Variants in MEI4 observed in about 807,000 individuals in gnomAD.
MEI4 encodes meiotic double-stranded break formation protein 4, also known as meiosis-specific protein MEI4.
In MEI4, 27 loss-of-function variants were observed where a neutral mutation model predicts 31.4. The ratio of observed to expected loss-of-function variants is 0.86; its 90% CI spans 0.63 to 1.19. The LOEUF (loss-of-function observed/expected upper bound fraction) is 1.19. MEI4 is among the 50% of genes most tolerant of loss of function. The pLI is 0.00. For synonymous variants in MEI4, 122 were observed against 145.4 expected, an observed-to-expected ratio of 0.84 and a Z score of 1.16; for missense variants, 329 against 398.9, an observed-to-expected ratio of 0.82 and a Z score of 1.49.
intron 3 of MEI4, among the ~76,000 whole-genome samples, chr6:77,805,950 A>T (rs1052196789): frequency 2.2e-4 from 33 of 152,176 alleles, no homozygotes; most frequent in African/African-American, 7.7e-4. Flanking sequence ...ATAGAATCAT[A>T]GCTCCTTTTC....
At chr6:77,729,222 C>T (rs150216746) in intron 2 of MEI4, among the ~76,000 whole-genome samples, 364 of 152,256 alleles carry the variant, frequency 2.4e-3, no homozygotes, top group African/African-American at 8.3e-3. Context: ...GTAGTGTAAA[C>T]ATACATTAAC....
chr6:77,919,817 A>T (rs1236996632), intron 4 of MEI4, among the ~76,000 whole-genome samples: 4 of 149,444 alleles, frequency 2.7e-5, no homozygotes, highest in African/African-American at 9.7e-5. Flanking sequence ...TAAAGGGGAT[A>T]TCACCACCGA....
rs144605266 is a variant in MEI4, at chr6:77,855,906, C to T, written c.900+26844C>T. ...GTTAAGTATTTGAGGCCATGATATG[C>T]GAGTTTAATCATTCCACATTGAATT... On this transcript the variant is annotated intron_variant, in intron 4 of 4. Coordinates refer to ENST00000684080, the MANE Select transcript of MEI4 (RefSeq NM_001322247.2). 1.4e-3 allele frequency among the ~76,000 whole-genome samples: 217 copies of T among 152,196 alleles called. 1 individual carries two copies. The highest frequency in any genetic ancestry group is 4.5e-3 in the African/African-American group (186 of 41,534).
At chr6:77,689,265 A>G (rs1402201857) in intron 1 of MEI4, among the ~76,000 whole-genome samples, 1 of 151,996 alleles carries the variant, frequency 6.6e-6, no homozygotes, top group Non-Finnish European at 1.5e-5. Context: ...TTCTCAGGCT[A>G]ATACAAAATT....
rs184771499 is a variant in MEI4 at position 77,706,811 on chromosome 6, C to T, written c.232+15908C>T. Among the ~76,000 whole-genome samples, 404 of 152,294 alleles carry T rather than the reference C, an allele frequency of 2.7e-3. 1 individual carries two copies. The highest frequency in any genetic ancestry group is 2.9e-3 in the Non-Finnish European group (199 of 68,028). On this transcript the variant is annotated intron_variant, in intron 2 of 4. Coordinates refer to ENST00000684080, the MANE Select transcript of MEI4 (RefSeq NM_001322247.2). ...ACTCACCATGTGATACACCGGCTCC[C>T]TGCTTTCTGCCATGATTATAAGCTT... is the stretch of plus-strand genomic sequence containing the variant.
Position 77,666,512 on chromosome 6 carries a change from A to C in MEI4, c.-15+13420A>C, listed in dbSNP as rs536987519. The stretch of plus-strand genomic sequence containing the variant: ...ATTGATAAGAGTTCATAGGGATCAC[A>C]TGTCAATGAACTAATTTTGTCTCCT... On this transcript the variant is annotated intron_variant, in intron 1 of 4. Coordinates refer to ENST00000684080, the MANE Select transcript of MEI4 (RefSeq NM_001322247.2). Among the ~76,000 whole-genome samples the C allele has an allele frequency of 4.6e-5, 7 of 152,264 alleles. No individual in the cohort carries two copies. The South Asian group carries it at 1.5e-3, about 32-fold the overall frequency.
chr6:77,923,442 C>A lies in MEI4; in HGVS notation c.*96C>A. On this transcript the variant is annotated 3_prime_UTR_variant, in exon 5 of 5. Transcript: ENST00000684080. ...AGATTTTCAATAGTATTTTAATTAGCATTTTAGAATTGATCTCTAAATATA... is the reference window on the plus strand; with the variant it reads ...AGATTTTCAATAGTATTTTAATTAGAATTTTAGAATTGATCTCTAAATATA... The A allele has an allele frequency of 2.1e-6, 2 of 963,612 alleles. No individual in the cohort carries two copies. Among genetic ancestry groups the A allele is most frequent in the Non-Finnish European group, 2.7e-6 (2 of 745,474 alleles). 59.7% of individuals were successfully genotyped at this position (963,612 alleles called of 1,614,324 possible). A position where few individuals can be genotyped will look rare whatever the true frequency, so the allele number is the denominator to read the frequency against.
At chr6:77,834,119 C>T (rs1770150072) in intron 4 of MEI4, among the ~76,000 whole-genome samples, 1 of 152,102 alleles carries the variant, frequency 6.6e-6, no homozygotes, top group Admixed American at 6.6e-5. Flanking sequence ...AAAATAAGTA[C>T]CAGCAGCTGC....
At chr6:77,742,111 T>A (rs1301336227) in intron 2 of MEI4, among the ~76,000 whole-genome samples, 1 of 152,088 alleles carries the variant, frequency 6.6e-6, no homozygotes, top group Non-Finnish European at 1.5e-5. Flanking sequence ...GCAGCATGAT[T>A]TATAGTCCTT....
intron 4 of MEI4, among the ~76,000 whole-genome samples, chr6:77,845,952 T>C (rs1770473333): frequency 6.6e-6 from 1 of 151,768 alleles, no homozygotes; most frequent in Admixed American, 6.6e-5. Flanking sequence ...GACCAGTCAT[T>C]GTGGGGTTTA....
At chr6:77,834,830 A>G (rs1466846804) in intron 4 of MEI4, among the ~76,000 whole-genome samples, 3 of 152,272 alleles carry the variant, frequency 2.0e-5, no homozygotes, top group East Asian at 1.9e-4. Flanking sequence ...CCGCTCTCCC[A>G]AATAGGAAGC....
intron 1 of MEI4, among the ~76,000 whole-genome samples, chr6:77,667,003 T>G (rs1768651840): frequency 2.0e-5 from 3 of 152,142 alleles, no homozygotes; most frequent in Admixed American, 6.5e-5. Context: ...GTTACATTTA[T>G]TTCCTACTCC....
At chr6:77,822,612 A>ACC (rs80176320) in intron 3 of MEI4, among the ~76,000 whole-genome samples, 4 of 138,678 alleles carry the variant, frequency 2.9e-5, no homozygotes, top group East Asian at 2.1e-4. Context: ...GCATTTGGAT[A>ACC]CCCCCCCCCC....
chr6:77,895,210 T>C (rs539412862), intron 4 of MEI4, among the ~76,000 whole-genome samples: 6 of 152,292 alleles, frequency 3.9e-5, no homozygotes, highest in African/African-American at 1.4e-4. Flanking sequence ...AACACACTCT[T>C]TGAGATTTTG....
intron 2 of MEI4, among the ~76,000 whole-genome samples, chr6:77,702,137 G>A (rs945148642): frequency 2.7e-5 from 4 of 148,468 alleles, no homozygotes; most frequent in African/African-American, 9.8e-5. Flanking sequence ...ATCCAGAATG[G>A]AGCTTGCCTT....
chr6:77,785,656 A>AT (rs1180079817), intron 3 of MEI4, among the ~76,000 whole-genome samples: 2 of 152,154 alleles, frequency 1.3e-5, no homozygotes, highest in African/African-American at 4.8e-5. Context: ...GAGAAGGGTT[A>AT]TTTTTGTGAG....
Position 77,690,737 on chromosome 6 carries a change from A to G in MEI4, c.66A>G (p.Ser22=). ...CTCTGGCCTTGGCAATTATCCGCTC[A>G]AAACCAGCAGACAAAAGCAGCAGAG... ...KLALALAIIR[S]KPADKSSREY... is the part of the protein sequence containing the mutation. The change falls in exon 2 of 5, where the codon TCA becomes TCG. Residue 22 remains serine (S), a synonymous_variant. Transcript: ENST00000684080. 1 of 1,231,644 alleles carries G rather than the reference A, an allele frequency of 8.1e-7. No individual in the cohort carries two copies. The highest frequency in any genetic ancestry group is 3.2e-5 in the East Asian group (1 of 31,690). 76.3% of individuals were successfully genotyped at this position (1,231,644 alleles called of 1,614,324 possible). A position where few individuals can be genotyped will look rare whatever the true frequency, so the allele number is the denominator to read the frequency against.
chr6:77,888,587 T>C (rs1771681213), intron 4 of MEI4, among the ~76,000 whole-genome samples: 1 of 152,188 alleles, frequency 6.6e-6, no homozygotes, highest in Admixed American at 6.5e-5. Flanking sequence ...TCCTTCACTT[T>C]GGAAGGATAA....
chr6:77,872,662 G>A (rs937442302), intron 4 of MEI4, among the ~76,000 whole-genome samples: 3 of 150,064 alleles, frequency 2.0e-5, no homozygotes, highest in Non-Finnish European at 4.4e-5. Flanking sequence ...CATCTGCCAT[G>A]CTGGTGTGCT....
Sources: allele counts gnomAD v4.1 joint callset (sites outside exome capture counted in the v4.1 genomes callset), GRCh38; gene constraint gnomAD v4.1.1; transcripts MANE v1.5; gene names NCBI Gene and HGNC (gene_info 2026-07-23, HGNC 2026-07-21).